NXPE4: variants seen among roughly 807,000 people sequenced by gnomAD.
The protein encoded by NXPE4 is neurexophilin and PC-esterase domain family member 4.
Under a neutral mutation model 33.3 loss-of-function variants are expected in NXPE4, and 42 were observed. The ratio of observed to expected loss-of-function variants is 1.26; its 90% CI spans 0.98 to 1.63. The LOEUF (loss-of-function observed/expected upper bound fraction) is 1.63. Among genes scored for constraint, NXPE4 ranks in the 40% most tolerant of loss-of-function variants. NXPE4 has a pLI of 0.00. For missense variants in NXPE4, 709 were observed against 647.6 expected, an observed-to-expected ratio of 1.09 and a Z score of -1.03; for synonymous variants, 253 against 234.9, an observed-to-expected ratio of 1.08 and a Z score of -0.71.
the NXPE4 span, among the ~76,000 whole-genome samples, chr11:114,630,738 C>T: frequency 1.3e-5 from 2 of 151,564 alleles, no homozygotes; most frequent in South Asian, 4.1e-4. Flanking sequence ...GAACAGGCAA[C>T]CTACAAAATG....
the NXPE4 span, among the ~76,000 whole-genome samples, chr11:114,632,865 T>C: frequency 1.7e-5 from 1 of 59,054 alleles, no homozygotes; most frequent in Non-Finnish European, 3.0e-5. Context: ...TTATATAATA[T>C]ATAATTATAT....
chr11:114,575,438 A>C (rs1277113435), intron 5 of NXPE4, among the ~76,000 whole-genome samples: 1 of 152,106 alleles, frequency 6.6e-6, no homozygotes, highest in Non-Finnish European at 1.5e-5. Context: ...ATACCTAGAA[A>C]ACCCTAAAGA....
chr11:114,628,705 C>A, the NXPE4 span, among the ~76,000 whole-genome samples: 1 of 22 alleles, frequency 0.045, no homozygotes, highest in South Asian at 0.5. Context: ...ACACAAAAAA[C>A]CCCTTCAAAA....
chr11:114,583,256 G>A, intron 2 of NXPE4: 1 of 667,814 alleles, frequency 1.5e-6, no homozygotes, highest in Admixed American at 2.4e-5. Context: ...GAGCAAGATG[G>A]CGCAAAGGCA....
the NXPE4 span, among the ~76,000 whole-genome samples, chr11:114,632,177 A>G: frequency 7.1e-6 from 1 of 141,160 alleles, no homozygotes; most frequent in African/African-American, 2.6e-5. Flanking sequence ...CATATAATAT[A>G]TAATAAATAA....
At chr11:114,625,955 G>C in the NXPE4 span, among the ~76,000 whole-genome samples, 3 of 152,064 alleles carry the variant, frequency 2.0e-5, no homozygotes, top group East Asian at 5.8e-4. Context: ...CCCGAATACT[G>C]CACTTTTCCG....
the NXPE4 span, among the ~76,000 whole-genome samples, chr11:114,668,529 C>T: frequency 3.3e-5 from 5 of 152,022 alleles, no homozygotes; most frequent in Non-Finnish European, 7.4e-5. Flanking sequence ...ACAGAAGGAA[C>T]CTCAGCCTTC....
the NXPE4 span, among the ~76,000 whole-genome samples, chr11:114,667,587 A>G: frequency 1.3e-5 from 2 of 152,108 alleles, no homozygotes; most frequent in African/African-American, 4.8e-5. Flanking sequence ...TGGCATTGTG[A>G]TTTCCTCCTT....
chr11:114,663,629 CT>C, the NXPE4 span, among the ~76,000 whole-genome samples: 1,184 of 100,176 alleles, frequency 0.012, 8 homozygotes, highest in South Asian at 0.037. Context: ...ATCTATCTAT[CT>C]ATCTATCATC....
At chr11:114,632,786 TTATATAATTA>T in the NXPE4 span, among the ~76,000 whole-genome samples, 1 of 17,576 alleles carries the variant, frequency 5.7e-5, no homozygotes, top group Non-Finnish European at 9.3e-5. Context: ...ATATTATATA[TTATATAATTA>T]TATATAATTA....
intron 5 of NXPE4, among the ~76,000 whole-genome samples, chr11:114,574,110 T>A (rs1162126889): frequency 1.3e-5 from 2 of 152,062 alleles, no homozygotes; most frequent in Non-Finnish European, 1.5e-5. Context: ...TCTTGAATGA[T>A]CATTGAGTCA....
intron 2 of NXPE4, 37 bp downstream of exon 2, chr11:114,594,627 A>C (rs758273676): frequency 1.6e-5 from 21 of 1,345,554 alleles, no homozygotes; most frequent in Non-Finnish European, 2.2e-5. Context: ...AAGCAAAAAT[A>C]AGCTTCTGTA....
At chr11:114,657,702 G>C in the NXPE4 span, among the ~76,000 whole-genome samples, 1 of 152,020 alleles carries the variant, frequency 6.6e-6, no homozygotes, top group African/African-American at 2.4e-5. Flanking sequence ...ACTGTTTTGA[G>C]AAATAGTCCA....
At chr11:114,617,212 G>A in the NXPE4 span, among the ~76,000 whole-genome samples, 27 of 149,968 alleles carry the variant, frequency 1.8e-4, no homozygotes, top group Non-Finnish European at 1.9e-4. Context: ...CCACTGTTAC[G>A]CATTGGATAA....
chr11:114,617,502 T>C, the NXPE4 span, among the ~76,000 whole-genome samples: 1 of 152,148 alleles, frequency 6.6e-6, no homozygotes, highest in Non-Finnish European at 1.5e-5. Flanking sequence ...GTAACCACTG[T>C]TAACCGGTGG....
chr11:114,666,807 TACA>T, the NXPE4 span, among the ~76,000 whole-genome samples: 5 of 152,280 alleles, frequency 3.3e-5, no homozygotes, highest in East Asian at 9.6e-4. Context: ...TCCTTGTATT[TACA>T]ACATTTGAAC....
the NXPE4 span, among the ~76,000 whole-genome samples, chr11:114,662,061 C>T: frequency 6.6e-6 from 1 of 152,082 alleles, no homozygotes; most frequent in African/African-American, 2.4e-5. Context: ...ACTATCGACA[C>T]AAAAGAAGCA....
intron 2 of NXPE4, chr11:114,583,595 G>T (rs538429863): frequency 3.4e-5 from 20 of 595,424 alleles, no homozygotes; most frequent in East Asian, 1.8e-4. Context: ...GTTGTCTACT[G>T]GTGGCTCTGT....
chr11:114,641,080 T>A, the NXPE4 span, among the ~76,000 whole-genome samples: 56 of 152,100 alleles, frequency 3.7e-4, no homozygotes, highest in African/African-American at 1.3e-3. Context: ...AGTTTCTTGG[T>A]CTGAAAAGTA....
Sources: gnomAD v4.1 joint callset for allele counts (sites outside exome capture counted in the v4.1 genomes callset) on GRCh38, gnomAD v4.1.1 for gene constraint, MANE v1.5 for transcripts, NCBI Gene and HGNC (gene_info 2026-07-23, HGNC 2026-07-21) for gene names.